ARHGEF26: variants seen among roughly 807,000 people sequenced by gnomAD.
ARHGEF26 encodes the protein Rho guanine nucleotide exchange factor (GEF) 26.
A neutral mutation model predicts 89.4 loss-of-function variants in ARHGEF26; 59 were observed. That is an observed-to-expected ratio of 0.66 (90% CI 0.54 to 0.82). The LOEUF is 0.82. ARHGEF26 is among the 40% of genes least tolerant of loss of function. ARHGEF26 has a pLI of 0.00. For synonymous variants in ARHGEF26, 500 were observed against 428.4 expected, an observed-to-expected ratio of 1.17 and a Z score of -2.06; for missense variants, 1,234 against 1,085.6, an observed-to-expected ratio of 1.14 and a Z score of -1.92.
At chr3:154,136,111 C>T (rs1201627561) in intron 4 of ARHGEF26, among the ~76,000 whole-genome samples, 4 of 152,136 alleles carry the variant, frequency 2.6e-5, no homozygotes, top group African/African-American at 9.7e-5. Flanking sequence ...TTCTTTTGTA[C>T]TTGCTGACAT....
At chr3:154,248,201 C>T (rs1717913007) in intron 12 of ARHGEF26, among the ~76,000 whole-genome samples, 1 of 152,122 alleles carries the variant, frequency 6.6e-6, no homozygotes, top group African/African-American at 2.4e-5. Flanking sequence ...TGACCTTAGC[C>T]CATAATCAAA....
At chr3:154,177,346 A>G (rs1712889645) in intron 6 of ARHGEF26, among the ~76,000 whole-genome samples, 1 of 152,206 alleles carries the variant, frequency 6.6e-6, no homozygotes, top group South Asian at 2.1e-4. Flanking sequence ...AAGAGGGTAT[A>G]AAAGCAAACT....
intron 4 of ARHGEF26, among the ~76,000 whole-genome samples, chr3:154,138,454 G>GA (rs1719154877): frequency 6.6e-6 from 1 of 152,094 alleles, no homozygotes; most frequent in African/African-American, 2.4e-5. Context: ...AGAGATTGAG[G>GA]AAAAAACTAC....
At chr3:154,173,386 A>T (rs927348727) in intron 6 of ARHGEF26, among the ~76,000 whole-genome samples, 30 of 152,206 alleles carry the variant, frequency 2.0e-4, no homozygotes, top group African/African-American at 7.2e-4. Flanking sequence ...TAAAATTATG[A>T]AGAGACAATT....
chr3:154,124,515 TC>T, intron 3 of ARHGEF26, 66 bp downstream of exon 3: 1 of 1,379,078 alleles, frequency 7.3e-7, no homozygotes, highest in South Asian at 1.4e-5. Context: ...TAAGTTGAAA[TC>T]CAACTGCAGT....
rs150786317 is a variant in ARHGEF26 at position 154,138,150 on chromosome 3, C to T, written c.1269+8431C>T. Among the ~76,000 whole-genome samples, 1,138 of 152,236 alleles carry T rather than the reference C, an allele frequency of 7.5e-3. 18 individuals carry two copies. The highest frequency in any genetic ancestry group is 0.026 in the African/African-American group (1,064 of 41,534). ...ATGGATATGCATTTAGCCATCTTTA[C>T]TGGGGGAGTGTCATACATGCTTTAA... On this transcript the variant is annotated intron_variant, in intron 4 of 14. Transcript: ENST00000465093.
chr3:154,215,397 AT>A (rs57156535), intron 9 of ARHGEF26, among the ~76,000 whole-genome samples: 197 of 137,658 alleles, frequency 1.4e-3, no homozygotes, highest in South Asian at 1.6e-3. Context: ...TCAGTCTGTG[AT>A]TTTTTTTTTT....
intron 11 of ARHGEF26, among the ~76,000 whole-genome samples, chr3:154,229,135 C>T (rs960536055): frequency 1.3e-5 from 2 of 152,160 alleles, no homozygotes; most frequent in Admixed American, 1.3e-4. Flanking sequence ...TGATGAGTGG[C>T]CATGACACTG....
intron 11 of ARHGEF26, among the ~76,000 whole-genome samples, chr3:154,236,998 A>G (rs1199101670): frequency 1.3e-5 from 2 of 152,212 alleles, no homozygotes; most frequent in African/African-American, 2.4e-5. Flanking sequence ...ATTCAATGAC[A>G]CAACTATGCA....
chr3:154,148,258 A>T (rs1351443310), intron 4 of ARHGEF26, among the ~76,000 whole-genome samples: 2 of 152,186 alleles, frequency 1.3e-5, no homozygotes, highest in Non-Finnish European at 2.9e-5. Flanking sequence ...CAGTTTTCTC[A>T]ATCAGAATAC....
At chr3:154,182,900 A>G (rs759870302) in intron 6 of ARHGEF26, among the ~76,000 whole-genome samples, 7 of 152,192 alleles carry the variant, frequency 4.6e-5, no homozygotes, top group Non-Finnish European at 1.0e-4. Flanking sequence ...GTAGTGCCAC[A>G]TTTAAGATCA....
In ARHGEF26 at chr3:154,124,390, T is replaced by TTTA; in HGVS notation, c.1084-20_1084-19insTTA. The TTTA allele has an allele frequency of 3.0e-6, 4 of 1,352,196 alleles. No individual in the cohort carries two copies. The highest frequency in any genetic ancestry group is 3.9e-6 in the Non-Finnish European group (4 of 1,021,360). 83.8% of individuals were successfully genotyped at this position (1,352,196 alleles called of 1,614,324 possible). Reference sequence around the variant, plus strand: ...GCTTTTCCTTTTTTTTTTTTTTTTTTACTTTTTTTTGTCTCTTAGAAAAAA... The same window carrying TTTA: ...GCTTTTCCTTTTTTTTTTTTTTTTTTTTAACTTTTTTTTGTCTCTTAGAAAAAA... On this transcript the variant is annotated intron_variant, in intron 2 of 14. Transcript: ENST00000465093.
intron 6 of ARHGEF26, among the ~76,000 whole-genome samples, chr3:154,180,884 C>T (rs1713141435): frequency 6.6e-6 from 1 of 152,022 alleles, no homozygotes; most frequent in Non-Finnish European, 1.5e-5. Flanking sequence ...TGTGTCGAAT[C>T]AACACATTTC....
At position 154,191,356 on chromosome 3, in the gene ARHGEF26, C is replaced by A. The variant is rs1299288301; in HGVS notation, c.1708C>A (p.Pro570Thr). The A allele has an allele frequency of 1.2e-6, 2 of 1,613,776 alleles. No individual in the cohort carries two copies. The highest frequency in any genetic ancestry group is 2.2e-5 in the East Asian group (1 of 44,866). The change falls in exon 8 of 15, where the codon CCC (proline) becomes ACC (threonine). Residue 570 changes from proline (P) to threonine (T), a missense_variant. Physicochemically the swap from Pro to Thr is conservative, Grantham distance 38 (BLOSUM62 -1). Transcript: ENST00000465093. ...IESHEDCRNL[P>T]MISFLILPMQ... is the part of the protein sequence containing the mutation. ...GTCCCATGAAGACTGTAGGAACTTA[C>A]CCATGATCTCTTTTCTCATTCTCCC...
At chr3:154,232,842 CTT>C (rs373406180) in intron 11 of ARHGEF26, among the ~76,000 whole-genome samples, 4 of 143,714 alleles carry the variant, frequency 2.8e-5, no homozygotes. Context: ...TTCTTTCTTT[CTT>C]TTTTTTTTTT....
In ARHGEF26 at chr3:154,225,826, T is replaced by G. The variant is rs749078918; in HGVS notation, c.1936-30T>G. Reference sequence around the variant, plus strand: ...AAACTTAAAAGGATTTCAATTTAGCTTTGGTCACTGGGTTTTTCTCCTTTT... The same window carrying G: ...AAACTTAAAAGGATTTCAATTTAGCGTTGGTCACTGGGTTTTTCTCCTTTT... On this transcript the variant is annotated intron_variant, in intron 10 of 14. Transcript: ENST00000465093. 4 of 1,572,496 alleles carry G rather than the reference T, an allele frequency of 2.5e-6. No individual in the cohort carries two copies. In the East Asian group the frequency reaches 9.0e-5, roughly 36 times the overall value.
chr3:154,158,976 A>T (rs1711515562), intron 6 of ARHGEF26, among the ~76,000 whole-genome samples: 1 of 152,138 alleles, frequency 6.6e-6, no homozygotes, highest in African/African-American at 2.4e-5. Context: ...CTATTAAAAG[A>T]CTGATACTAT....
chr3:154,147,654 A>C (rs1228868399), intron 4 of ARHGEF26, among the ~76,000 whole-genome samples: 1 of 152,200 alleles, frequency 6.6e-6, no homozygotes, highest in Non-Finnish European at 1.5e-5. Context: ...TATGTTTTTC[A>C]TGCTACAAAG....
Position 154,122,653 on chromosome 3 carries a change from C to T in ARHGEF26, c.661C>T (p.Pro221Ser). 6.2e-7 allele frequency: 1 copy of T among 1,613,906 alleles called. No homozygotes were observed. The highest frequency in any genetic ancestry group is 8.5e-7 in the Non-Finnish European group (1 of 1,179,898). Residue 221 changes from proline (P) to serine (S), a missense_variant, in exon 2 of 15, where the codon CCC becomes TCC. Physicochemically the swap from Pro to Ser is moderately conservative, Grantham distance 74. Coordinates refer to ENST00000465093, the MANE Select transcript of ARHGEF26 (RefSeq NM_015595.4). ...ACAAAAACTCCCCCTCCAAAGGCTG[C>T]CCTCCCAGGAGAACGAGCTCCTCGA... ...SEQKLPLQRL[P>S]SQENELLENP...
Sources: allele counts gnomAD v4.1 joint callset (sites outside exome capture counted in the v4.1 genomes callset), GRCh38; gene constraint gnomAD v4.1.1; transcripts MANE v1.5; gene names NCBI Gene and HGNC (gene_info 2026-07-23, HGNC 2026-07-21).